NELFCD: variants seen among roughly 807,000 people sequenced by gnomAD.
NELFCD encodes negative elongation factor C/D.
In NELFCD, 48 loss-of-function variants were observed where a neutral mutation model predicts 72.9. The observed-to-expected ratio is 0.66, with a 90% CI of 0.52 to 0.84. NELFCD has a LOEUF of 0.84. Ranked by LOEUF, NELFCD falls within the 40% of genes least tolerant of loss-of-function variation. The pLI is 0.00. For synonymous variants in NELFCD, 297 were observed against 280.6 expected, an observed-to-expected ratio of 1.06 and a Z score of -0.59; for missense variants, 538 against 723.8, an observed-to-expected ratio of 0.74 and a Z score of 2.94.
intron 4 of NELFCD, 38 bp downstream of exon 4, chr20:58,987,855 A>T: frequency 6.6e-7 from 1 of 1,526,228 alleles, no homozygotes; most frequent in Non-Finnish European, 9.1e-7. Flanking sequence ...ACCAGGCCCT[A>T]GGGTCTTTTG....
At chr20:58,984,564 G>A (rs2091759071) in intron 1 of NELFCD, among the ~76,000 whole-genome samples, 1 of 152,084 alleles carries the variant, frequency 6.6e-6, no homozygotes, top group South Asian at 2.1e-4. Context: ...TTTCAGGTTT[G>A]GGGGGTAACA....
intron 1 of NELFCD, 97 bp from the exon 2 acceptor site, chr20:58,985,996 A>G: frequency 1.2e-6 from 1 of 826,372 alleles, no homozygotes; most frequent in Non-Finnish European, 2.1e-6. Flanking sequence ...ATGTGTGTAG[A>G]ATACTTTCAA....
chr20:58,981,949 G>T (rs537341327), intron 1 of NELFCD, among the ~76,000 whole-genome samples: 1 of 146,606 alleles, frequency 6.8e-6, no homozygotes, highest in Non-Finnish European at 1.5e-5. Flanking sequence ...TGGGGTGGAA[G>T]CCCAGGAGGG....
chr20:58,987,052 C>T, intron 3 of NELFCD, 189 bp downstream of exon 3: 3 of 532,698 alleles, frequency 5.6e-6, no homozygotes, highest in South Asian at 2.6e-5. Context: ...TGCCTCTTAT[C>T]TTTGATTCAG....
In NELFCD at chr20:58,986,967, GT is replaced by G. The variant is rs1009149720; in HGVS notation, c.286+107del. Reference sequence around the variant, plus strand: ...ATACAATGCCTTCTTTGATTTCCTGGTTTCTGAGACTTGTGTAAGAAAGAGC... The same window carrying G: ...ATACAATGCCTTCTTTGATTTCCTGGTTCTGAGACTTGTGTAAGAAAGAGC... On this transcript the variant is annotated intron_variant, in intron 3 of 14. Coordinates refer to ENST00000652272, the MANE Select transcript of NELFCD (RefSeq NM_198976.4). The surrounding 1 kb of genome is among the most constrained non-coding windows in gnomAD (Gnocchi z 4.4). 15 of 648,180 alleles carry G rather than the reference GT, an allele frequency of 2.3e-5. No individual in the cohort carries two copies. The highest frequency in any genetic ancestry group is 2.3e-4 in the African/African-American group (12 of 52,382). The allele number at this position is 648,180 out of a possible 1,614,324, so 40.2% of individuals were successfully genotyped here.
At chr20:58,982,180 G>T (rs1018720334) in intron 1 of NELFCD, among the ~76,000 whole-genome samples, 2 of 106,932 alleles carry the variant, frequency 1.9e-5, no homozygotes, top group East Asian at 3.4e-4. Context: ...TTTTGTGGTG[G>T]AGTTTCGCTC....
In NELFCD at chr20:58,993,692, TGTC is replaced by T. The variant is rs1376975300; in HGVS notation, c.1510_1512del (p.Val504del). 6.2e-7 allele frequency: 1 copy of T among 1,614,222 alleles called. No individual in the cohort carries two copies. The highest frequency in any genetic ancestry group is 1.1e-5 in the South Asian group (1 of 91,082). On this transcript the variant is annotated inframe_deletion, in exon 13 of 15. Transcript: ENST00000652272. This position sits in a 1 kb window ranked among gnomAD's most constrained non-coding sequence, Gnocchi z 5.0. The stretch of plus-strand genomic sequence containing the variant: ...TGAGTCGAGGTTATGTACTTCCTGT[TGTC>T]AGTTACATCCGAAAGTGTCTGGAGA...
Position 58,990,851 on chromosome 20 carries a change from AAGAAC to A in NELFCD, c.789-54_789-50del, listed in dbSNP as rs2091810849. Reference sequence around the variant, plus strand: ...AATGCAAAGTATTATATGTGTAAAAAAGAACAGAAAAAAGAAGCTGCCTTGTTAGT... The same window carrying A: ...AATGCAAAGTATTATATGTGTAAAAAAGAAAAAAGAAGCTGCCTTGTTAGT... On this transcript the variant is annotated intron_variant, in intron 7 of 14. Transcript: ENST00000652272. The A allele has an allele frequency of 2.3e-5, 34 of 1,472,302 alleles. No individual in the cohort carries two copies. The South Asian group carries it at 3.7e-4, about 16-fold the overall frequency. 91.2% of individuals were successfully genotyped at this position (1,472,302 alleles called of 1,614,324 possible). A position where few individuals can be genotyped will look rare whatever the true frequency, so the allele number is the denominator to read the frequency against.
chr20:58,989,920 C>T lies in NELFCD; in HGVS notation c.720C>T (p.Ala240=). Residue 240 remains alanine, a synonymous_variant, in exon 7 of 15, where the codon GCC becomes GCT. Coordinates refer to ENST00000652272, the MANE Select transcript of NELFCD (RefSeq NM_198976.4). The part of the protein sequence containing the change: ...LFAQAMMSVL[A]QEEQGGSAVR... ...CCCAGGCCATGATGTCCGTGCTGGC[C>T]CAGGAGGAGCAGGGGGGCTCCGCTG... 6.2e-7 allele frequency: 1 copy of T among 1,614,188 alleles called. No individual in the cohort carries two copies. Among genetic ancestry groups the T allele is most frequent in the East Asian group, 2.2e-5 (1 of 44,884 alleles).
rs539916215 is a variant in NELFCD at position 58,991,871 on chromosome 20, G to A, written c.1090-10G>A. The A allele has an allele frequency of 2.0e-5, 33 of 1,613,598 alleles. 1 individual carries two copies. The highest frequency in any genetic ancestry group is 2.7e-5 in the African/African-American group (2 of 75,058). On this transcript the variant is annotated splice_polypyrimidine_tract_variant and intron_variant, in intron 9 of 14. Coordinates refer to ENST00000652272, the MANE Select transcript of NELFCD (RefSeq NM_198976.4). Reference sequence around the variant, plus strand: ...CTGTCAGGCTCACCAGCTTGTGTGTGTGTTTTCAGAACAAGCGAGTGAGCA... The same window carrying A: ...CTGTCAGGCTCACCAGCTTGTGTGTATGTTTTCAGAACAAGCGAGTGAGCA...
Position 58,993,587 on chromosome 20 carries a change from CCTCT to C in NELFCD, c.1441-34_1441-31del, listed in dbSNP as rs751034380. 2 of 1,614,000 alleles carry C rather than the reference CCTCT, an allele frequency of 1.2e-6. No homozygotes were observed. Among genetic ancestry groups the C allele is most frequent in the Non-Finnish European group, 1.7e-6 (2 of 1,179,976 alleles). On this transcript the variant is annotated intron_variant, in intron 12 of 14. Coordinates refer to ENST00000652272, the MANE Select transcript of NELFCD (RefSeq NM_198976.4). The surrounding 1 kb of genome is among the most constrained non-coding windows in gnomAD (Gnocchi z 5.0). Reference sequence around the variant, plus strand: ...GGCTTGCCAGAGGGCTGAGGAGGACCCTCTCTAACCAGCTCCCTGTCCCCCTTCT... The same window carrying C: ...GGCTTGCCAGAGGGCTGAGGAGGACCCTAACCAGCTCCCTGTCCCCCTTCT...
In NELFCD at chr20:58,986,349, T is replaced by C. The variant is rs967516067; in HGVS notation, c.176+141T>C. ...TTCAAGGGGGGGTCCCCTCTGCCAC[T>C]TTTTTTTTTTTTTTAAATTTTTTTA... On this transcript the variant is annotated intron_variant, in intron 2 of 14. Coordinates refer to ENST00000652272, the MANE Select transcript of NELFCD (RefSeq NM_198976.4). The surrounding 1 kb of genome is among the most constrained non-coding windows in gnomAD (Gnocchi z 4.4). 4.7e-5 allele frequency: 11 copies of C among 231,622 alleles called. No individual in the cohort carries two copies. The highest frequency in any genetic ancestry group is 8.0e-5 in the South Asian group (1 of 12,506). The allele number at this position is 231,622 out of a possible 1,614,324, so 14.3% of individuals were successfully genotyped here.
At position 58,993,807 on chromosome 20, in the gene NELFCD, C is replaced by T. The variant is rs755584082; in HGVS notation, c.1581+43C>T. 1 of 1,599,242 alleles carries T rather than the reference C, an allele frequency of 6.3e-7. No homozygotes were observed. The highest frequency in any genetic ancestry group is 1.1e-5 in the South Asian group (1 of 90,134). ...GGTTTCATGTTTCATACTGTTTACA[C>T]TAGCACTGCCCTTTTTGGCTTAATT... is the stretch of plus-strand genomic sequence containing the variant. On this transcript the variant is annotated intron_variant, in intron 13 of 14. Transcript: ENST00000652272. The surrounding 1 kb of genome is among the most constrained non-coding windows in gnomAD (Gnocchi z 5.0).
At position 58,986,081 on chromosome 20, in the gene NELFCD, A is replaced by G. The variant is rs2091769640; in HGVS notation, c.61-12A>G. On this transcript the variant is annotated splice_polypyrimidine_tract_variant and intron_variant, in intron 1 of 14. Coordinates refer to ENST00000652272, the MANE Select transcript of NELFCD (RefSeq NM_198976.4). The surrounding 1 kb of genome is among the most constrained non-coding windows in gnomAD (Gnocchi z 4.4). ...TGAAAAAAATATCCTGGCTCTTCGC[A>G]TTTACCAACAGCAGGAGGATGATTC... 6.3e-7 allele frequency: 1 copy of G among 1,583,982 alleles called. No homozygotes were observed.
chr20:58,984,355 G>C (rs992474131), intron 1 of NELFCD, among the ~76,000 whole-genome samples: 4 of 152,146 alleles, frequency 2.6e-5, no homozygotes, highest in Admixed American at 2.0e-4. Flanking sequence ...CTGTGGCCAC[G>C]GTGTGAAAGA....
At chr20:58,981,448 G>C in intron 1 of NELFCD, 79 bp downstream of exon 1, 1 of 583,742 alleles carries the variant, frequency 1.7e-6, no homozygotes, top group Non-Finnish European at 2.2e-6. Context: ...TCCCGGAGAG[G>C]CCGCGCGGCG....
rs1160856305 is a variant in NELFCD at position 58,993,160 on chromosome 20, G to A, written c.1344+48G>A. 4 of 1,376,454 alleles carry A rather than the reference G, an allele frequency of 2.9e-6. No individual in the cohort carries two copies. Among genetic ancestry groups the A allele is most frequent in the Non-Finnish European group, 4.2e-6 (4 of 963,630 alleles). The allele number at this position is 1,376,454 out of a possible 1,614,324, so 85.3% of individuals were successfully genotyped here. Reference sequence around the variant, plus strand: ...ACAGCCTACACAGTGTCTGTCTCATGCTGTTTACGTTGGCATTAACATTGC... The same window carrying A: ...ACAGCCTACACAGTGTCTGTCTCATACTGTTTACGTTGGCATTAACATTGC... On this transcript the variant is annotated intron_variant, in intron 11 of 14. Coordinates refer to ENST00000652272, the MANE Select transcript of NELFCD (RefSeq NM_198976.4). This position sits in a 1 kb window ranked among gnomAD's most constrained non-coding sequence, Gnocchi z 5.0.
Position 58,981,303 on chromosome 20 carries a change from C to G in NELFCD, c.-7C>G, listed in dbSNP as rs1201745277. 9.3e-7 allele frequency: 1 copy of G among 1,080,282 alleles called. No individual in the cohort carries two copies. Among genetic ancestry groups the G allele is most frequent in the Non-Finnish European group, 1.1e-6 (1 of 888,866 alleles). The allele number at this position is 1,080,282 out of a possible 1,614,324, so 66.9% of individuals were successfully genotyped here. On this transcript the variant is annotated 5_prime_UTR_variant, in exon 1 of 15. Coordinates refer to ENST00000652272, the MANE Select transcript of NELFCD (RefSeq NM_198976.4). Reference sequence around the variant, plus strand: ...AGGGCATGGCGGGGGCCGTGCCGGGCGCCATCATGGACGAGGACTACTACG... The same window carrying G: ...AGGGCATGGCGGGGGCCGTGCCGGGGGCCATCATGGACGAGGACTACTACG...
Position 58,993,750 on chromosome 20 carries a change from T to A in NELFCD, c.1567T>A (p.Tyr523Asn). ...KLDTDISLIR[Y>N]FVTEVLDVIA... ...GGACACTGACATTTCACTCATTCGCTATTTTGTCACTGAGGTCAGCAATGC... is the reference window on the plus strand; with the variant it reads ...GGACACTGACATTTCACTCATTCGCAATTTTGTCACTGAGGTCAGCAATGC... The change falls in exon 13 of 15, where the codon TAT (tyrosine) becomes AAT (asparagine). Residue 523 changes from tyrosine to asparagine, a missense_variant. This residue lies in a region of NELFCD where 136 missense variants were observed against 154.0 expected (regional missense o/e 0.88). Coordinates refer to ENST00000652272, the MANE Select transcript of NELFCD (RefSeq NM_198976.4). This position sits in a 1 kb window ranked among gnomAD's most constrained non-coding sequence, Gnocchi z 5.0. 6.2e-7 allele frequency: 1 copy of A among 1,614,238 alleles called. No homozygotes were observed. The highest frequency in any genetic ancestry group is 8.5e-7 in the Non-Finnish European group (1 of 1,180,042).
Sources: allele counts gnomAD v4.1 joint callset (sites outside exome capture counted in the v4.1 genomes callset), GRCh38; gene constraint gnomAD v4.1.1; regional missense constraint gnomAD v4.1.1; non-coding constraint Gnocchi (gnomAD v3.1); transcripts MANE v1.5; gene names NCBI Gene and HGNC (gene_info 2026-07-23, HGNC 2026-07-21).